Variants in MAP7 observed in about 807,000 individuals in gnomAD.
MAP7 encodes ensconsin.
MAP7 carries 52 observed loss-of-function variants against 94.8 expected under a neutral mutation model. The ratio of observed to expected loss-of-function variants is 0.55; its 90% CI spans 0.44 to 0.69. MAP7 has a LOEUF of 0.69. Among genes scored for constraint, MAP7 ranks in the 30% least tolerant of loss-of-function variants. MAP7 has a pLI of 0.00. For missense variants in MAP7, 940 were observed against 964.6 expected (o/e 0.97, Z 0.34); for synonymous variants, 350 against 357.0 (o/e 0.98, Z 0.22).
At chr6:136,483,529 A>G (rs1386478976) in intron 1 of MAP7, among the ~76,000 whole-genome samples, 2 of 152,194 alleles carry the variant, frequency 1.3e-5, no homozygotes, top group Non-Finnish European at 2.9e-5. Flanking sequence ...AAATTAAATT[A>G]AATTTAAAAA....
At chr6:136,443,451 T>G (rs1245605921) in intron 1 of MAP7, among the ~76,000 whole-genome samples, 1 of 8,482 alleles carries the variant, frequency 1.2e-4, no homozygotes, top group Non-Finnish European at 6.2e-4. Flanking sequence ...CCCTTCTACT[T>G]TTTTTTTTTT....
At chr6:136,496,132 C>T (rs1818136881) in intron 1 of MAP7, among the ~76,000 whole-genome samples, 1 of 151,070 alleles carries the variant, frequency 6.6e-6, no homozygotes, top group Admixed American at 6.6e-5. Context: ...CCCATCTCTC[C>T]CTACCCCAGG....
At chr6:136,349,663 C>G (rs912054427) in intron 16 of MAP7, among the ~76,000 whole-genome samples, 1 of 152,204 alleles carries the variant, frequency 6.6e-6, no homozygotes, top group African/African-American at 2.4e-5. Context: ...TGAGCCACCA[C>G]ACTTGGCATA....
At chr6:136,500,662 C>T (rs1161776373) in intron 1 of MAP7, among the ~76,000 whole-genome samples, 1 of 152,170 alleles carries the variant, frequency 6.6e-6, no homozygotes, top group African/African-American at 2.4e-5. Context: ...ACCTGAATCC[C>T]AAAGGGATTT....
Position 136,444,144 on chromosome 6 carries a change from C to A in MAP7, c.68-22345G>T, listed in dbSNP as rs181932793. Among the ~76,000 whole-genome samples, 93 of 152,300 alleles carry A rather than the reference C, an allele frequency of 6.1e-4. 1 individual carries two copies. Among genetic ancestry groups the A allele is most frequent in the Non-Finnish European group, 4.1e-4 (28 of 68,016 alleles). On this transcript the variant is annotated intron_variant, in intron 1 of 17. Transcript: ENST00000354570. ...GAAAACAAAAATGTTTGAAGCCTAACCAACATTTCACAAAGCCTGTGAGAA... is the reference window on the plus strand; with the variant it reads ...GAAAACAAAAATGTTTGAAGCCTAAACAACATTTCACAAAGCCTGTGAGAA...
At chr6:136,361,512 A>AAGC (rs1281487484) in intron 11 of MAP7, among the ~76,000 whole-genome samples, 1 of 152,234 alleles carries the variant, frequency 6.6e-6, no homozygotes, top group East Asian at 1.9e-4. Flanking sequence ...AATGAATTTG[A>AAGC]AGCACCCCAG....
intron 1 of MAP7, among the ~76,000 whole-genome samples, chr6:136,456,837 A>AGAAGAAGAG (rs1803337558): frequency 2.6e-5 from 3 of 117,414 alleles, no homozygotes; most frequent in African/African-American, 9.1e-5. Context: ...AAGAAGAAGA[A>AGAAGAAGAG]GAAGAAGAAG....
intron 2 of MAP7, among the ~76,000 whole-genome samples, chr6:136,421,466 G>C (rs1203176196): frequency 6.6e-6 from 1 of 152,174 alleles, no homozygotes; most frequent in Non-Finnish European, 1.5e-5. Context: ...TCGTGTGTTT[G>C]AATCTACATT....
intron 1 of MAP7, among the ~76,000 whole-genome samples, chr6:136,478,062 G>A (rs557372129): frequency 1.3e-5 from 2 of 152,182 alleles, no homozygotes; most frequent in African/African-American, 4.8e-5. Context: ...AATGACCAGT[G>A]GGTCAATGAA....
chr6:136,532,483 G>A (rs1828550924), intron 1 of MAP7, among the ~76,000 whole-genome samples: 1 of 152,130 alleles, frequency 6.6e-6, no homozygotes, highest in Non-Finnish European at 1.5e-5. Flanking sequence ...TGTAAATTTA[G>A]TTCTGGAAGA....
At chr6:136,430,596 T>C (rs905960809) in intron 1 of MAP7, among the ~76,000 whole-genome samples, 32 of 152,364 alleles carry the variant, frequency 2.1e-4, no homozygotes, top group African/African-American at 5.3e-4. Context: ...AAATTTCTTA[T>C]GTAAACTTCG....
At chr6:136,463,862 G>C (rs1806046265) in intron 1 of MAP7, among the ~76,000 whole-genome samples, 1 of 152,232 alleles carries the variant, frequency 6.6e-6, no homozygotes, top group African/African-American at 2.4e-5. Context: ...TAAAGGTACA[G>C]AGGCAATGTA....
At chr6:136,509,353 T>C (rs1242708538) in intron 1 of MAP7, among the ~76,000 whole-genome samples, 4 of 152,234 alleles carry the variant, frequency 2.6e-5, no homozygotes, top group Non-Finnish European at 5.9e-5. Flanking sequence ...ATACAGGCTA[T>C]ATGTCTTTCC....
intron 7 of MAP7, 143 bp downstream of exon 7, chr6:136,377,610 CAG>C (rs773692191): frequency 5.0e-6 from 3 of 605,890 alleles, no homozygotes; most frequent in Admixed American, 2.5e-5. Flanking sequence ...GAAACAATGA[CAG>C]GGGTATGAAA....
At chr6:136,428,317 AT>A (rs1167037212) in intron 1 of MAP7, among the ~76,000 whole-genome samples, 1 of 152,150 alleles carries the variant, frequency 6.6e-6, no homozygotes, top group Non-Finnish European at 1.5e-5. Context: ...GGAGTTTGAG[AT>A]CAGCCTGGTC....
At chr6:136,412,537 G>C (rs1157454243) in intron 2 of MAP7, among the ~76,000 whole-genome samples, 3 of 152,198 alleles carry the variant, frequency 2.0e-5, no homozygotes, top group Non-Finnish European at 1.5e-5. Context: ...TAAATTTTTA[G>C]ATGGAGCCCA....
chr6:136,354,080 A>T (rs1790045625), intron 16 of MAP7, among the ~76,000 whole-genome samples: 1 of 148,146 alleles, frequency 6.8e-6, no homozygotes, highest in Non-Finnish European at 1.5e-5. Context: ...ATTTGTAAAA[A>T]TAATACAAGT....
At chr6:136,467,017 A>C in intron 1 of MAP7, 7 of 783,898 alleles carry the variant, frequency 8.9e-6, no homozygotes, top group Non-Finnish European at 1.2e-5. Context: ...ACCAAGCAAA[A>C]ACTGGGAAAT....
chr6:136,379,090 G>A (rs1434523210), intron 6 of MAP7, among the ~76,000 whole-genome samples: 1 of 150,186 alleles, frequency 6.7e-6, no homozygotes, highest in African/African-American at 2.5e-5. Flanking sequence ...AACAGCAGGT[G>A]GCAAAGTCTC....
Sources: gnomAD v4.1 joint callset for allele counts (sites outside exome capture counted in the v4.1 genomes callset) on GRCh38, gnomAD v4.1.1 for gene constraint, MANE v1.5 for transcripts, NCBI Gene and HGNC (gene_info 2026-07-23, HGNC 2026-07-21) for gene names.